The following ERC1 variants were observed in gnomAD, a reference collection of about 807,000 sequenced individuals.
The protein encoded by ERC1 is ELKS/RAB6-interacting/CAST family member 1.
ERC1 carries 56 observed loss-of-function variants against 132.0 expected under a neutral mutation model. That is an observed-to-expected ratio of 0.42 (90% confidence interval 0.34 to 0.53). ERC1 has a LOEUF of 0.53. Among genes scored for constraint, ERC1 ranks in the 20% least tolerant of loss-of-function variants. The pLI, the probability that ERC1 is intolerant of heterozygous loss-of-function variation, is 0.03. For synonymous variants in ERC1, 478 were observed against 476.1 expected, an observed-to-expected ratio of 1.00 and a Z score of -0.05; for missense variants, 1,202 against 1,349.9, an observed-to-expected ratio of 0.89 and a Z score of 1.72.
chr12:1,102,585 A>G (rs1944791666), intron 3 of ERC1, among the ~76,000 whole-genome samples: 1 of 152,226 alleles, frequency 6.6e-6, no homozygotes, highest in Non-Finnish European at 1.5e-5. Flanking sequence ...TAGCCATTTC[A>G]TTCATTCAGT....
intron 15 of ERC1, among the ~76,000 whole-genome samples, chr12:1,313,260 G>A (rs1234136450): frequency 1.3e-5 from 2 of 152,164 alleles, no homozygotes; most frequent in Non-Finnish European, 1.5e-5. Context: ...CCATATCAAA[G>A]ACCCACCCAC....
chr12:1,069,593 A>G (rs1414382321), intron 2 of ERC1, among the ~76,000 whole-genome samples: 1 of 152,212 alleles, frequency 6.6e-6, no homozygotes, highest in Non-Finnish European at 1.5e-5. Flanking sequence ...GTGGAATTCA[A>G]GTAAACAATC....
At chr12:1,462,779 G>A (rs1477477765) in intron 18 of ERC1, among the ~76,000 whole-genome samples, 1 of 152,050 alleles carries the variant, frequency 6.6e-6, no homozygotes, top group African/African-American at 2.4e-5. Flanking sequence ...AATTCATTCA[G>A]TTGTACACCT....
At chr12:1,050,815 C>T (rs28613628) in intron 2 of ERC1, among the ~76,000 whole-genome samples, 17,951 of 151,992 alleles carry the variant, frequency 0.12, 1,538 homozygotes, top group African/African-American at 0.24. Context: ...ACCATCCTGG[C>T]CAACATGGTG....
At chr12:1,229,019 C>G (rs2074822692) in intron 12 of ERC1, among the ~76,000 whole-genome samples, 1 of 152,088 alleles carries the variant, frequency 6.6e-6, no homozygotes, top group Non-Finnish European at 1.5e-5. Context: ...GCAATACTGG[C>G]CTTTTAAAAT....
At chr12:1,433,789 G>A (rs1309831294) in intron 17 of ERC1, among the ~76,000 whole-genome samples, 2 of 152,166 alleles carry the variant, frequency 1.3e-5, no homozygotes, top group Admixed American at 1.3e-4. Flanking sequence ...ACTGAGTATG[G>A]AGAATTCCTC....
chr12:1,219,899 T>G (rs934056679), intron 12 of ERC1, among the ~76,000 whole-genome samples: 2 of 152,180 alleles, frequency 1.3e-5, no homozygotes, highest in Non-Finnish European at 2.9e-5. Flanking sequence ...TTAGACATTG[T>G]CACCCCTTGG....
chr12:1,057,566 G>GT (rs1188358947), intron 2 of ERC1, among the ~76,000 whole-genome samples: 1 of 130,060 alleles, frequency 7.7e-6, no homozygotes, highest in East Asian at 2.2e-4. Flanking sequence ...TAGCAAAACT[G>GT]TTTTGAAGGA....
chr12:1,483,980 C>A (rs565980863), intron 18 of ERC1, among the ~76,000 whole-genome samples: 1 of 151,666 alleles, frequency 6.6e-6, no homozygotes, highest in Admixed American at 6.6e-5. Context: ...AGGCGTGAGC[C>A]GCTGCGCCCA....
At chr12:1,405,217 C>T (rs2091397279) in intron 16 of ERC1, among the ~76,000 whole-genome samples, 2 of 148,614 alleles carry the variant, frequency 1.3e-5, no homozygotes, top group South Asian at 4.2e-4. Context: ...GGAACACAAA[C>T]ATTCAGACCA....
chr12:1,244,693 G>A (rs1251745116), intron 13 of ERC1: 11 of 375,550 alleles, frequency 2.9e-5, no homozygotes, highest in Admixed American at 6.1e-5. Context: ...GGCTAATTTT[G>A]TGTGTCTGTT....
intron 12 of ERC1, among the ~76,000 whole-genome samples, chr12:1,196,838 C>CTCTCTGTCTGTCTCTGTCTG (rs1555299915): frequency 1.0e-5 from 1 of 99,402 alleles, no homozygotes; most frequent in Non-Finnish European, 2.1e-5. Flanking sequence ...CTCTGTCTGT[C>CTCTCTGTCTGTCTCTGTCTG]TCTCTGTCTG....
chr12:1,130,691 A>C (rs1252771292), intron 7 of ERC1, among the ~76,000 whole-genome samples: 2 of 143,176 alleles, frequency 1.4e-5, no homozygotes, highest in Admixed American at 1.4e-4. Flanking sequence ...GACTATTTTG[A>C]TATCTGAGCT....
intron 16 of ERC1, among the ~76,000 whole-genome samples, chr12:1,394,028 A>AAAAAC (rs1555389320): frequency 7.5e-5 from 9 of 119,510 alleles, no homozygotes; most frequent in African/African-American, 3.1e-4. Context: ...AAAAAAAAAA[A>AAAAAC]AAAAACAAAA....
intron 15 of ERC1, among the ~76,000 whole-genome samples, chr12:1,345,458 C>T (rs909143274): frequency 6.6e-6 from 1 of 152,168 alleles, no homozygotes; most frequent in Non-Finnish European, 1.5e-5. Flanking sequence ...GCTGGGATTA[C>T]AGGCGTGAGC....
chr12:1,127,320 A>G lies in ERC1; in HGVS notation c.1569+11287A>G, dbSNP rs899395227. Among the ~76,000 whole-genome samples the G allele has an allele frequency of 5.3e-5, 8 of 152,278 alleles. No homozygotes were observed. In the South Asian group the frequency reaches 1.0e-3, roughly 20 times the overall value. ...AAAAACTTTCCTGCTGGTCCACAAAAGGACATGTATAAGGATGTTCACCAC... is the reference window on the plus strand; with the variant it reads ...AAAAACTTTCCTGCTGGTCCACAAAGGGACATGTATAAGGATGTTCACCAC... On this transcript the variant is annotated intron_variant, in intron 7 of 18. Transcript: ENST00000360905.
intron 12 of ERC1, among the ~76,000 whole-genome samples, chr12:1,209,647 A>G (rs972724346): frequency 2.0e-5 from 3 of 152,168 alleles, no homozygotes; most frequent in South Asian, 4.1e-4. Context: ...GTGTCATACA[A>G]ATTGGATGGG....
intron 1 of ERC1, among the ~76,000 whole-genome samples, chr12:1,026,208 C>T (rs1393610173): frequency 6.6e-6 from 1 of 152,118 alleles, no homozygotes; most frequent in East Asian, 1.9e-4. Flanking sequence ...GGCAAGAGAA[C>T]TTGTGCAGGG....
Position 1,418,621 on chromosome 12 carries a change from T to C in ERC1, c.3024+10374T>C, listed in dbSNP as rs886148244. Among the ~76,000 whole-genome samples the C allele has an allele frequency of 7.3e-4, 87 of 118,582 alleles. 2 individuals carry two copies. Among genetic ancestry groups the C allele is most frequent in the African/African-American group, 3.7e-3 (75 of 20,006 alleles). The allele number at this position is 118,582 out of a possible 152,430, so 77.8% of individuals were successfully genotyped here. On this transcript the variant is annotated intron_variant, in intron 17 of 18. Coordinates refer to ENST00000360905, the MANE Select transcript of ERC1 (RefSeq NM_178040.4). ...TTTCTTTCTTTCTTTCTTTCTTTCT[T>C]TCTTTCTTTCTTTCTTTCTTTCTCT...
Sources: allele counts gnomAD v4.1 joint callset (sites outside exome capture counted in the v4.1 genomes callset), GRCh38; gene constraint gnomAD v4.1.1; transcripts MANE v1.5; gene names NCBI Gene and HGNC (gene_info 2026-07-23, HGNC 2026-07-21).